The following PALS2 variants were observed in gnomAD, a reference collection of about 807,000 sequenced individuals.
PALS2 encodes the protein protein PALS2.
In PALS2, 27 loss-of-function variants were observed where a neutral mutation model predicts 61.6. The ratio of observed to expected loss-of-function variants is 0.44; its 90% CI spans 0.32 to 0.60. The LOEUF (loss-of-function observed/expected upper bound fraction) is 0.60, where lower values mean the gene tolerates loss of function less well. Among genes scored for constraint, PALS2 ranks in the 20% least tolerant of loss-of-function variants. The pLI is 0.05. For missense variants in PALS2, 554 were observed against 639.4 expected (o/e 0.87, Z 1.44); for synonymous variants, 236 against 218.6 (o/e 1.08, Z -0.70).
At position 24,618,315 on chromosome 7, in the gene PALS2, C is replaced by A. The variant is rs1404175966; in HGVS notation, c.-2-5351C>A. ...GGCAGCAGGGATTGGTTTCCTTGCT[C>A]TGCAGGACCAGAGCCACAGCAGATC... On this transcript the variant is annotated intron_variant, in intron 1 of 11. Transcript: ENST00000222644. This position sits in a 1 kb window ranked among gnomAD's most constrained non-coding sequence, Gnocchi z 5.1. Among the ~76,000 whole-genome samples, 1 of 152,210 alleles carries A rather than the reference C, an allele frequency of 6.6e-6. No homozygotes were observed. The highest frequency in any genetic ancestry group is 2.4e-5 in the African/African-American group (1 of 41,442).
At chr7:24,639,405 TACACAC>T (rs10607962) in intron 2 of PALS2, among the ~76,000 whole-genome samples, 27 of 148,566 alleles carry the variant, frequency 1.8e-4, no homozygotes, top group Admixed American at 2.7e-4. Flanking sequence ...CTTTGCTGAA[TACACAC>T]ACACACACAC....
chr7:24,671,903 T>G (rs2128091180), intron 9 of PALS2, among the ~76,000 whole-genome samples: 1 of 152,060 alleles, frequency 6.6e-6, no homozygotes, highest in East Asian at 2.0e-4. Context: ...AACCTAGATG[T>G]CTGTCCTTAT....
intron 1 of PALS2, among the ~76,000 whole-genome samples, chr7:24,587,568 G>C (rs1041601202): frequency 1.3e-5 from 2 of 149,200 alleles, no homozygotes; most frequent in East Asian, 3.9e-4. Flanking sequence ...TAGAGTCCAG[G>C]TCTCACTGTG....
intron 5 of PALS2, among the ~76,000 whole-genome samples, chr7:24,656,090 A>G (rs1786402422): frequency 6.6e-6 from 1 of 152,212 alleles, no homozygotes; most frequent in Non-Finnish European, 1.5e-5. Context: ...TCTCTTAGCA[A>G]TGATAATCAC....
chr7:24,625,531 T>A (rs1020183104), intron 2 of PALS2, among the ~76,000 whole-genome samples: 12 of 152,154 alleles, frequency 7.9e-5, no homozygotes, highest in Admixed American at 7.9e-4. Context: ...ACAGATGAGG[T>A]TTAGGCCATG....
intron 1 of PALS2, among the ~76,000 whole-genome samples, chr7:24,592,303 A>G (rs961755750): frequency 3.9e-5 from 6 of 152,128 alleles, no homozygotes; most frequent in African/African-American, 1.4e-4. Context: ...TTCATTTGAG[A>G]CAATTAAGAT....
chr7:24,619,214 C>G (rs899229010), intron 1 of PALS2, among the ~76,000 whole-genome samples: 2 of 152,136 alleles, frequency 1.3e-5, no homozygotes, highest in South Asian at 4.1e-4. Flanking sequence ...CTGTGTATCA[C>G]AATTTAATCT....
chr7:24,593,440 A>G (rs754465866), intron 1 of PALS2, among the ~76,000 whole-genome samples: 4 of 152,128 alleles, frequency 2.6e-5, no homozygotes, highest in Non-Finnish European at 2.9e-5. Flanking sequence ...TTAATGACAT[A>G]AATGGTGAAT....
chr7:24,582,917 A>T (rs1376041612), intron 1 of PALS2, among the ~76,000 whole-genome samples: 1 of 111,454 alleles, frequency 9.0e-6, no homozygotes, highest in Non-Finnish European at 1.7e-5. Context: ...TTTGAGACAG[A>T]GTCTTGCTCT....
intron 5 of PALS2, among the ~76,000 whole-genome samples, chr7:24,662,951 C>A (rs554914635): frequency 6.6e-6 from 1 of 152,054 alleles, no homozygotes; most frequent in African/African-American, 2.4e-5. Context: ...ATTAATAATG[C>A]AAATGTAAAA....
rs1205424579 is a variant in PALS2 at position 24,691,784 on chromosome 7, A to G, written c.*4170A>G. On this transcript the variant is annotated 3_prime_UTR_variant, in exon 12 of 12. Transcript: ENST00000222644. Reference sequence around the variant, plus strand: ...ATATGATTCAGGCTGAGATTATGATACCTGCCCTTGTCTTATTTCAAGAGG... The same window carrying G: ...ATATGATTCAGGCTGAGATTATGATGCCTGCCCTTGTCTTATTTCAAGAGG... The G allele has an allele frequency of 1.3e-5, 2 of 152,034 alleles. No individual in the cohort carries two copies. The highest frequency in any genetic ancestry group is 2.9e-5 in the Non-Finnish European group (2 of 67,942). The allele number at this position is 152,034 out of a possible 1,614,324, so 9.4% of individuals were successfully genotyped here.
chr7:24,592,598 A>G (rs1178280829), intron 1 of PALS2, among the ~76,000 whole-genome samples: 1 of 152,128 alleles, frequency 6.6e-6, no homozygotes, highest in African/African-American at 2.4e-5. Context: ...AAATAAATAC[A>G]GGCATACCTC....
chr7:24,642,923 G>A (rs1235878024), intron 3 of PALS2, among the ~76,000 whole-genome samples: 1 of 152,154 alleles, frequency 6.6e-6, no homozygotes, highest in Non-Finnish European at 1.5e-5. Flanking sequence ...AGGAGGATGG[G>A]TTGGGTATTA....
chr7:24,601,849 C>A (rs1039074039), intron 1 of PALS2, among the ~76,000 whole-genome samples: 2 of 152,070 alleles, frequency 1.3e-5, no homozygotes, highest in African/African-American at 4.8e-5. Flanking sequence ...TGATTCTTGA[C>A]ACGTGATTTT....
intron 2 of PALS2, among the ~76,000 whole-genome samples, chr7:24,634,347 C>T (rs551574600): frequency 2.2e-4 from 33 of 152,308 alleles, no homozygotes; most frequent in African/African-American, 7.7e-4. Flanking sequence ...TCTCCTGCTT[C>T]AGCCTCCTGA....
chr7:24,604,759 A>C (rs1203214385), intron 1 of PALS2, among the ~76,000 whole-genome samples: 1 of 152,234 alleles, frequency 6.6e-6, no homozygotes, highest in Non-Finnish European at 1.5e-5. Flanking sequence ...CTCATGACCT[A>C]GTCTAACCCT....
intron 1 of PALS2, among the ~76,000 whole-genome samples, chr7:24,619,192 C>T (rs1194993793): frequency 2.0e-5 from 3 of 151,926 alleles, no homozygotes; most frequent in Admixed American, 6.6e-5. Context: ...AGTATTCTTC[C>T]GCTTGATCTT....
At chr7:24,589,562 G>T (rs1783204623) in intron 1 of PALS2, among the ~76,000 whole-genome samples, 1 of 152,164 alleles carries the variant, frequency 6.6e-6, no homozygotes, top group Admixed American at 6.5e-5. Flanking sequence ...ACTTTTCTGA[G>T]TGTAGAAATT....
At chr7:24,638,317 A>ATTTTTTTTTTTTTTTTTTTTTTTT (rs1562631729) in intron 2 of PALS2, among the ~76,000 whole-genome samples, 1 of 14,254 alleles carries the variant, frequency 7.0e-5, no homozygotes, top group Non-Finnish European at 1.1e-4. Flanking sequence ...CAATTTCTGT[A>ATTTTTTTTTTTTTTTTTTTTTTTT]TTTTCTTTTT....
Sources: allele counts gnomAD v4.1 joint callset (sites outside exome capture counted in the v4.1 genomes callset), GRCh38; gene constraint gnomAD v4.1.1; non-coding constraint Gnocchi (gnomAD v3.1); transcripts MANE v1.5; gene names NCBI Gene and HGNC (gene_info 2026-07-23, HGNC 2026-07-21).